Variants in NFE2L1 observed in about 807,000 individuals in gnomAD.
The protein encoded by NFE2L1 is endoplasmic reticulum membrane sensor NFE2L1.
NFE2L1 carries 18 observed loss-of-function variants against 61.6 expected under a neutral mutation model. That is an observed-to-expected ratio of 0.29 (90% CI 0.20 to 0.43). The LOEUF (loss-of-function observed/expected upper bound fraction) is 0.43, where lower values mean the gene tolerates loss of function less well. Ranked by LOEUF, NFE2L1 falls within the 20% of genes least tolerant of loss-of-function variation. NFE2L1 has a pLI of 1.00. For missense variants in NFE2L1, 827 were observed against 973.5 expected (o/e 0.85, Z 2.00); for synonymous variants, 419 against 402.7 (o/e 1.04, Z -0.48).
At chr17:48,056,669 T>G in intron 3 of NFE2L1, 71 bp downstream of exon 3, 4 of 1,540,810 alleles carry the variant, frequency 2.6e-6, no homozygotes, top group Non-Finnish European at 3.5e-6. Context: ...GCTGGAGTTC[T>G]TCCAGAAACT....
chr17:48,051,788 T>C (rs954484834), intron 2 of NFE2L1, among the ~76,000 whole-genome samples, 160 bp downstream of exon 2: 18 of 152,204 alleles, frequency 1.2e-4, no homozygotes, highest in South Asian at 6.2e-4. Flanking sequence ...TTTCTGACTT[T>C]AGGATTGGGG....
Position 48,057,479 on chromosome 17 carries a change from C to G in NFE2L1, c.949C>G (p.Leu317Val). The G allele has an allele frequency of 4.3e-6, 7 of 1,613,518 alleles. No individual in the cohort carries two copies. The highest frequency in any genetic ancestry group is 5.9e-6 in the Non-Finnish European group (7 of 1,179,810). Residue 317 changes from leucine to valine, a missense_variant, in exon 5 of 6, where the codon CTC becomes GTC. Transcript: ENST00000362042. Reference sequence around the variant, plus strand: ...TGATTTGGAACAGCAGTGGCAAGATCTCATGTCCATCATGGAAATGCAGGT... The same window carrying G: ...TGATTTGGAACAGCAGTGGCAAGATGTCATGTCCATCATGGAAATGCAGGT... Reference protein sequence around the residue: ...PFDLEQQWQDLMSIMEMQAME... With the variant: ...PFDLEQQWQDVMSIMEMQAME...
Position 48,052,792 on chromosome 17 carries a change from A to C in NFE2L1, c.510+1164A>C, listed in dbSNP as rs528457042. 2.0e-5 allele frequency among the ~76,000 whole-genome samples: 3 copies of C among 152,292 alleles called. No individual in the cohort carries two copies. The East Asian group carries it at 5.8e-4, about 29-fold the overall frequency. On this transcript the variant is annotated intron_variant, in intron 2 of 5. Coordinates refer to ENST00000362042, the MANE Select transcript of NFE2L1 (RefSeq NM_003204.3). ...ACTGGCACCTAGTGGGTAGGGGCCA[A>C]GGATGCTGGTTAACATCTTGAATGG...
rs1250838474 is a variant in NFE2L1 at position 48,059,583 on chromosome 17, C to T, written c.2261C>T (p.Thr754Met). 3.1e-6 allele frequency: 5 copies of T among 1,593,060 alleles called. No individual in the cohort carries two copies. Among genetic ancestry groups the T allele is most frequent in the East Asian group, 2.2e-5 (1 of 44,474 alleles). The change falls in exon 6 of 6, where the codon ACG (threonine) becomes ATG (methionine). Residue 754 changes from threonine (T) to methionine (M), a missense_variant. Coordinates refer to ENST00000362042, the MANE Select transcript of NFE2L1 (RefSeq NM_003204.3). The surrounding 1 kb of genome is among the most constrained non-coding windows in gnomAD (Gnocchi z 6.1). Reference protein sequence around the residue: ...GDGSVLLIPRTMADQQARRQE... With the variant: ...GDGSVLLIPRMMADQQARRQE... ...GGCAGTGTCCTCCTCATCCCCCGCA[C>T]GATGGCCGACCAGCAGGCCCGGCGG...
At chr17:48,050,332 A>G (rs2037217602) in intron 1 of NFE2L1, among the ~76,000 whole-genome samples, 1 of 152,182 alleles carries the variant, frequency 6.6e-6, no homozygotes, top group South Asian at 2.1e-4. Context: ...TACAAAAATT[A>G]GCAGGGCGTG....
chr17:48,058,816 C>CTCT lies in NFE2L1; in HGVS notation c.1500_1502dup (p.Ser509dup). ...TAAGCAGCTCTGAAGGCAGTTCTTC[C>CTCT]TCTTCTTCCTCCTCCTCTTCCTCTT... On this transcript the variant is annotated inframe_insertion, in exon 6 of 6. Coordinates refer to ENST00000362042, the MANE Select transcript of NFE2L1 (RefSeq NM_003204.3). The CTCT allele has an allele frequency of 6.2e-7, 1 of 1,614,006 alleles. No individual in the cohort carries two copies. The highest frequency in any genetic ancestry group is 1.3e-5 in the African/African-American group (1 of 75,040).
At chr17:48,049,509 C>T (rs1382907632) in intron 1 of NFE2L1, among the ~76,000 whole-genome samples, 2 of 152,208 alleles carry the variant, frequency 1.3e-5, no homozygotes, top group Non-Finnish European at 2.9e-5. Context: ...TCTCCTGTCT[C>T]AGCCTCCCGA....
In NFE2L1 at chr17:48,051,110, C is replaced by G; in HGVS notation, c.-9C>G. 6.2e-7 allele frequency: 1 copy of G among 1,614,170 alleles called. No individual in the cohort carries two copies. The highest frequency in any genetic ancestry group is 2.2e-5 in the East Asian group (1 of 44,892). On this transcript the variant is annotated 5_prime_UTR_variant, in exon 2 of 6. Coordinates refer to ENST00000362042, the MANE Select transcript of NFE2L1 (RefSeq NM_003204.3). ...AACCAAAAAGCATAAACATTCTGGT[C>G]CTTCAGCAATGCTTTCTCTGAAGAA...
rs768730147 is a variant in NFE2L1 at position 48,059,387 on chromosome 17, C to T, written c.2065C>T (p.Leu689=). The change falls in exon 6 of 6, where the codon CTG becomes TTG. Residue 689 remains leucine (L), a synonymous_variant. Transcript: ENST00000362042. This position sits in a 1 kb window ranked among gnomAD's most constrained non-coding sequence, Gnocchi z 6.1. The part of the protein sequence containing the change: ...ILNLERDVED[L]QRDKARLLRE... ...GAATCTGGAGCGTGATGTGGAGGACCTGCAGCGTGACAAAGCCCGGCTGCT... is the reference window on the plus strand; with the variant it reads ...GAATCTGGAGCGTGATGTGGAGGACTTGCAGCGTGACAAAGCCCGGCTGCT... The T allele has an allele frequency of 1.9e-6, 3 of 1,614,206 alleles. No individual in the cohort carries two copies. Among genetic ancestry groups the T allele is most frequent in the Non-Finnish European group, 2.5e-6 (3 of 1,180,044 alleles).
chr17:48,054,902 C>A, intron 2 of NFE2L1: 1 of 1,384,006 alleles, frequency 7.2e-7, no homozygotes, highest in Non-Finnish European at 9.3e-7. Flanking sequence ...TCAGGCCCCT[C>A]GGAGCTAGCA....
At position 48,056,537 on chromosome 17, in the gene NFE2L1, C is replaced by T. The variant is rs1567754212; in HGVS notation, c.662C>T (p.Ala221Val). 17 of 1,613,958 alleles carry T rather than the reference C, an allele frequency of 1.1e-5. No homozygotes were observed. The highest frequency in any genetic ancestry group is 1.4e-5 in the Non-Finnish European group (16 of 1,180,022). ...CAGGACACCTGGGCAGGCGAGGGCGCGGAAGCTCTGGCACGGAACCTGCTA... is the reference window on the plus strand; with the variant it reads ...CAGGACACCTGGGCAGGCGAGGGCGTGGAAGCTCTGGCACGGAACCTGCTA... ...GEQDTWAGEG[A>V]EALARNLLVD... Residue 221 changes from alanine to valine, a missense_variant, in exon 3 of 6, where the codon GCG becomes GTG. Transcript: ENST00000362042.
chr17:48,060,907 A>G lies in NFE2L1; in HGVS notation c.*1266A>G, dbSNP rs1466815351. 1 of 152,602 alleles carries G rather than the reference A, an allele frequency of 6.6e-6. No homozygotes were observed. The highest frequency in any genetic ancestry group is 1.9e-4 in the East Asian group (1 of 5,200). The allele number at this position is 152,602 out of a possible 1,614,324, so 9.5% of individuals were successfully genotyped here. ...GTAAAAAGGAGATGCCCAATATTCA[A>G]AGCTGCTAAATGTTCTCTTTGCCAT... On this transcript the variant is annotated 3_prime_UTR_variant, in exon 6 of 6. Coordinates refer to ENST00000362042, the MANE Select transcript of NFE2L1 (RefSeq NM_003204.3).
Position 48,059,584 on chromosome 17 carries a change from G to A in NFE2L1, c.2262G>A (p.Thr754=), listed in dbSNP as rs980002443. 8 of 1,593,294 alleles carry A rather than the reference G, an allele frequency of 5.0e-6. No homozygotes were observed. Among genetic ancestry groups the A allele is most frequent in the African/African-American group, 1.3e-5 (1 of 74,284 alleles). Residue 754 remains threonine, a synonymous_variant, in exon 6 of 6, where the codon ACG becomes ACA. Transcript: ENST00000362042. This position sits in a 1 kb window ranked among gnomAD's most constrained non-coding sequence, Gnocchi z 6.1. ...GCAGTGTCCTCCTCATCCCCCGCAC[G>A]ATGGCCGACCAGCAGGCCCGGCGGC... is the stretch of plus-strand genomic sequence containing the variant. ...GDGSVLLIPR[T]MADQQARRQE...
intron 5 of NFE2L1, among the ~76,000 whole-genome samples, chr17:48,057,806 G>A (rs1490651499): frequency 6.6e-6 from 1 of 152,240 alleles, no homozygotes; most frequent in East Asian, 1.9e-4. Flanking sequence ...AAGGTTGTGC[G>A]TTAATAATAG....
intron 2 of NFE2L1, among the ~76,000 whole-genome samples, chr17:48,053,733 C>T (rs183980775): frequency 1.3e-5 from 2 of 152,278 alleles, no homozygotes; most frequent in Admixed American, 1.3e-4. Flanking sequence ...GAAACCAATC[C>T]AGGGAGTCTG....
At chr17:48,054,139 C>G (rs1337586192) in intron 2 of NFE2L1, among the ~76,000 whole-genome samples, 1 of 152,224 alleles carries the variant, frequency 6.6e-6, no homozygotes, top group African/African-American at 2.4e-5. Context: ...ACTCTTTCCA[C>G]TTCCAGCAAA....
intron 3 of NFE2L1, 30 bp downstream of exon 3, chr17:48,056,628 T>C (rs1401040204): frequency 3.1e-6 from 5 of 1,607,812 alleles, no homozygotes; most frequent in Non-Finnish European, 4.2e-6. Flanking sequence ...CTGGGCTCTC[T>C]TCTTGTCCCT....
chr17:48,057,592 G>A lies in NFE2L1; in HGVS notation c.972+90G>A, dbSNP rs1256300790. ...GCTTTTCCATCTCCAAGGAGAGAAA[G>A]TGTAATACTTTCCCTGAATCATAGA... On this transcript the variant is annotated intron_variant, in intron 5 of 5. Transcript: ENST00000362042. 15 of 1,469,146 alleles carry A rather than the reference G, an allele frequency of 1.0e-5. No homozygotes were observed. In the South Asian group the frequency reaches 1.6e-4, roughly 16 times the overall value. 91.0% of individuals were successfully genotyped at this position (1,469,146 alleles called of 1,614,324 possible).
intron 2 of NFE2L1, chr17:48,054,971 CT>C (rs2037357023): frequency 4.7e-6 from 7 of 1,481,636 alleles, no homozygotes; most frequent in Non-Finnish European, 6.2e-6. Context: ...TTGCAGCCCC[CT>C]GTCCGGCTTC....
Sources: allele counts gnomAD v4.1 joint callset (sites outside exome capture counted in the v4.1 genomes callset), GRCh38; gene constraint gnomAD v4.1.1; non-coding constraint Gnocchi (gnomAD v3.1); transcripts MANE v1.5; gene names NCBI Gene and HGNC (gene_info 2026-07-23, HGNC 2026-07-21).